The following ADAM11 variants were observed in gnomAD, a reference collection of about 807,000 sequenced individuals.
The protein encoded by ADAM11 is disintegrin and metalloproteinase domain-containing protein 11.
ADAM11 carries 49 observed loss-of-function variants against 119.1 expected under a neutral mutation model. That is an observed-to-expected ratio of 0.41 (90% CI 0.33 to 0.52). The LOEUF (loss-of-function observed/expected upper bound fraction) is 0.52. Ranked by LOEUF, ADAM11 falls within the 20% of genes least tolerant of loss-of-function variation. The pLI is 0.20. For missense variants in ADAM11, 777 were observed against 1,047.5 expected (o/e 0.74, Z 3.56); for synonymous variants, 364 against 408.0 (o/e 0.89, Z 1.30).
chr17:44,772,780 C>T lies in ADAM11; in HGVS notation c.679-77C>T, dbSNP rs1027652439. ...GGAGTCCAGACCCCCCCATCCCCAC[C>T]GAGTCTGTTCCTGGCTTGGCCATGA... On this transcript the variant is annotated intron_variant, in intron 8 of 26. Coordinates refer to ENST00000200557, the MANE Select transcript of ADAM11 (RefSeq NM_002390.6). The surrounding 1 kb of genome is among the most constrained non-coding windows in gnomAD (Gnocchi z 4.5). 9.5e-6 allele frequency: 13 copies of T among 1,367,256 alleles called. No homozygotes were observed. Among genetic ancestry groups the T allele is most frequent in the South Asian group, 2.5e-5 (2 of 80,280 alleles). 84.7% of individuals were successfully genotyped at this position (1,367,256 alleles called of 1,614,324 possible). A position where few individuals can be genotyped will look rare whatever the true frequency, so the allele number is the denominator to read the frequency against.
rs1333044588 is a variant in ADAM11 at position 44,779,928 on chromosome 17, C to T, written c.*174C>T. On this transcript the variant is annotated 3_prime_UTR_variant, in exon 27 of 27. Coordinates refer to ENST00000200557, the MANE Select transcript of ADAM11 (RefSeq NM_002390.6). ...GGCTGTGGCCCTGCCCTTGGCACCA[C>T]CAGGGTGGACCAGGCCTGGAGGGCA... 2.2e-6 allele frequency: 2 copies of T among 910,300 alleles called. No individual in the cohort carries two copies. Among genetic ancestry groups the T allele is most frequent in the Admixed American group, 2.0e-5 (1 of 49,752 alleles). 56.4% of individuals were successfully genotyped at this position (910,300 alleles called of 1,614,324 possible).
In ADAM11 at chr17:44,775,780, C is replaced by A. The variant is rs75588483; in HGVS notation, c.1485+104C>A. The A allele has an allele frequency of 8.2e-7, 1 of 1,222,190 alleles. No individual in the cohort carries two copies. Among genetic ancestry groups the A allele is most frequent in the African/African-American group, 1.5e-5 (1 of 66,012 alleles). The allele number at this position is 1,222,190 out of a possible 1,614,324, so 75.7% of individuals were successfully genotyped here. On this transcript the variant is annotated intron_variant, in intron 17 of 26. Transcript: ENST00000200557. This position sits in a 1 kb window ranked among gnomAD's most constrained non-coding sequence, Gnocchi z 7.5. ...GGGAGGGAAGCGGAGCCTTCGGGGA[C>A]GAAGGCCTCTGGGGCAGGGCTTGAT...
chr17:44,759,545 C>A, intron 1 of ADAM11, 177 bp from the exon 2 acceptor site: 1 of 1,252,974 alleles, frequency 8.0e-7, no homozygotes, highest in Non-Finnish European at 1.0e-6. Context: ...GGGAGTGAAG[C>A]TCCTGGCCCC....
At chr17:44,766,869 A>C (rs757591) in intron 2 of ADAM11, among the ~76,000 whole-genome samples, 88,217 of 151,870 alleles carry the variant, frequency 0.58, 26,549 homozygotes, top group East Asian at 0.76. Context: ...GGGCAGGGGC[A>C]GAAAGCAGGG....
chr17:44,780,731 C>A lies in ADAM11; in HGVS notation c.*977C>A. 6.5e-6 allele frequency: 1 copy of A among 154,560 alleles called. No individual in the cohort carries two copies. The highest frequency in any genetic ancestry group is 1.4e-5 in the Non-Finnish European group (1 of 69,568). The allele number at this position is 154,560 out of a possible 1,614,324, so 9.6% of individuals were successfully genotyped here. On this transcript the variant is annotated 3_prime_UTR_variant, in exon 27 of 27. Coordinates refer to ENST00000200557, the MANE Select transcript of ADAM11 (RefSeq NM_002390.6). ...CCAGGTAGGGAAGGCCAGAGGTGGC[C>A]CAGTGCCTGGAGGGTTAGGGTCTCT...
rs756597732 is a variant in ADAM11 at position 44,775,480 on chromosome 17, G to A, written c.1392+15G>A. 2 of 1,602,050 alleles carry A rather than the reference G, an allele frequency of 1.2e-6. No individual in the cohort carries two copies. The highest frequency in any genetic ancestry group is 2.7e-5 in the African/African-American group (2 of 74,824). On this transcript the variant is annotated intron_variant, in intron 16 of 26. Coordinates refer to ENST00000200557, the MANE Select transcript of ADAM11 (RefSeq NM_002390.6). The surrounding 1 kb of genome is among the most constrained non-coding windows in gnomAD (Gnocchi z 7.5). The stretch of plus-strand genomic sequence containing the variant: ...GCTCGGTGCAGGTGAGCGGTGGTGC[G>A]GGCGCCAGGTGGGGAACCGGGATGC...
intron 2 of ADAM11, among the ~76,000 whole-genome samples, chr17:44,761,291 T>C (rs2049386383): frequency 6.6e-6 from 1 of 151,800 alleles, no homozygotes; most frequent in Non-Finnish European, 1.5e-5. Flanking sequence ...GGGGACAGAG[T>C]TGAGGAAAAG....
Position 44,772,773 on chromosome 17 carries a change from T to A in ADAM11, c.679-84T>A. The A allele has an allele frequency of 8.0e-7, 1 of 1,252,742 alleles. No individual in the cohort carries two copies. The highest frequency in any genetic ancestry group is 1.2e-6 in the Non-Finnish European group (1 of 869,514). The allele number at this position is 1,252,742 out of a possible 1,614,324, so 77.6% of individuals were successfully genotyped here. On this transcript the variant is annotated intron_variant, in intron 8 of 26. Coordinates refer to ENST00000200557, the MANE Select transcript of ADAM11 (RefSeq NM_002390.6). This position sits in a 1 kb window ranked among gnomAD's most constrained non-coding sequence, Gnocchi z 4.5. The stretch of plus-strand genomic sequence containing the variant: ...CCTGGCTGGAGTCCAGACCCCCCCA[T>A]CCCCACCGAGTCTGTTCCTGGCTTG...
chr17:44,769,548 C>T (rs2049491164), intron 2 of ADAM11, among the ~76,000 whole-genome samples, 170 bp from the exon 3 acceptor site: 1 of 152,242 alleles, frequency 6.6e-6, no homozygotes, highest in South Asian at 2.1e-4. Flanking sequence ...GGAGCAGGGT[C>T]GTGGAGGAAG....
Position 44,759,272 on chromosome 17 carries a change from C to T in ADAM11, c.61+12C>T. On this transcript the variant is annotated intron_variant, in intron 1 of 26. Coordinates refer to ENST00000200557, the MANE Select transcript of ADAM11 (RefSeq NM_002390.6). ...GCTCCCCACGCCCGGTGAGTGACCCCCGCCCGGCCCCGGCGCCCCCTCCCT... is the reference window on the plus strand; with the variant it reads ...GCTCCCCACGCCCGGTGAGTGACCCTCGCCCGGCCCCGGCGCCCCCTCCCT... The T allele has an allele frequency of 7.2e-7, 1 of 1,385,066 alleles. No homozygotes were observed. Among genetic ancestry groups the T allele is most frequent in the Non-Finnish European group, 9.3e-7 (1 of 1,073,296 alleles). The allele number at this position is 1,385,066 out of a possible 1,614,324, so 85.8% of individuals were successfully genotyped here. A position where few individuals can be genotyped will look rare whatever the true frequency, so the allele number is the denominator to read the frequency against.
Position 44,776,111 on chromosome 17 carries a change from C to T in ADAM11, c.1486-16C>T. 6.2e-7 allele frequency: 1 copy of T among 1,613,206 alleles called. No homozygotes were observed. The highest frequency in any genetic ancestry group is 8.5e-7 in the Non-Finnish European group (1 of 1,179,716). The stretch of plus-strand genomic sequence containing the variant: ...CATCCATCCTGCCTGACTCGAGGAG[C>T]GCGTCTCTTCCCTAGTACGAACCAC... On this transcript the variant is annotated splice_polypyrimidine_tract_variant and intron_variant, in intron 17 of 26. Transcript: ENST00000200557. This position sits in a 1 kb window ranked among gnomAD's most constrained non-coding sequence, Gnocchi z 5.2.
rs769682017 is a variant in ADAM11, at chr17:44,775,505, C to A, written c.1392+40C>A. ...GGGCGCCAGGTGGGGAACCGGGATG[C>A]GGGGGTGGGCACGAGGGAGCGTCTG... is the stretch of plus-strand genomic sequence containing the variant. On this transcript the variant is annotated intron_variant, in intron 16 of 26. Transcript: ENST00000200557. This position sits in a 1 kb window ranked among gnomAD's most constrained non-coding sequence, Gnocchi z 7.5. The A allele has an allele frequency of 1.3e-6, 2 of 1,586,610 alleles. No homozygotes were observed. Among genetic ancestry groups the A allele is most frequent in the South Asian group, 2.2e-5 (2 of 89,150 alleles).
Position 44,778,050 on chromosome 17 carries a change from G to A in ADAM11, c.2169G>A (p.Glu723=), listed in dbSNP as rs751025303. The A allele has an allele frequency of 1.2e-6, 2 of 1,613,408 alleles. No individual in the cohort carries two copies. The highest frequency in any genetic ancestry group is 2.2e-5 in the South Asian group (2 of 90,936). The stretch of plus-strand genomic sequence containing the variant: ...TGCCCACGTCCCCACCCACGGGGGA[G>A]ACGGAGAGATATAAAGGTGAGGCTG... ...NPLPTSPPTG[E]TERYKGPSGT... Residue 723 remains glutamate (E), a synonymous_variant, in exon 24 of 27, where the codon GAG becomes GAA. Transcript: ENST00000200557.
chr17:44,776,252 C>A lies in ADAM11; in HGVS notation c.1566+45C>A, dbSNP rs1598893532. The A allele has an allele frequency of 6.2e-7, 1 of 1,603,960 alleles. No homozygotes were observed. Among genetic ancestry groups the A allele is most frequent in the Non-Finnish European group, 8.5e-7 (1 of 1,172,840 alleles). ...CTTGTGGAGCCCTGGGCGAGGCAACCCCTACCCTTGTCGATTTGGTTTTCC... is the reference window on the plus strand; with the variant it reads ...CTTGTGGAGCCCTGGGCGAGGCAACACCTACCCTTGTCGATTTGGTTTTCC... On this transcript the variant is annotated intron_variant, in intron 18 of 26. Coordinates refer to ENST00000200557, the MANE Select transcript of ADAM11 (RefSeq NM_002390.6). This position sits in a 1 kb window ranked among gnomAD's most constrained non-coding sequence, Gnocchi z 5.2.
At position 44,776,313 on chromosome 17, in the gene ADAM11, C is replaced by A; in HGVS notation, c.1566+106C>A. On this transcript the variant is annotated intron_variant, in intron 18 of 26. Transcript: ENST00000200557. The surrounding 1 kb of genome is among the most constrained non-coding windows in gnomAD (Gnocchi z 5.2). ...CTCAGCACTCCCCTCCTCTCCACAG[C>A]TGGCATCGACCTCCACTGATCAGAC... 4.9e-6 allele frequency: 6 copies of A among 1,234,702 alleles called. No individual in the cohort carries two copies. The highest frequency in any genetic ancestry group is 1.3e-5 in the South Asian group (1 of 77,942). The allele number at this position is 1,234,702 out of a possible 1,614,324, so 76.5% of individuals were successfully genotyped here.
At position 44,781,521 on chromosome 17, in the gene ADAM11, T is replaced by C. The variant is rs1320549783; in HGVS notation, c.*1767T>C. On this transcript the variant is annotated 3_prime_UTR_variant, in exon 27 of 27. Transcript: ENST00000200557. Reference sequence around the variant, plus strand: ...CACCCGTGCACACAGGTACAGTGCATCTGGGCACAGCTTTTGGATCCACAC... The same window carrying C: ...CACCCGTGCACACAGGTACAGTGCACCTGGGCACAGCTTTTGGATCCACAC... 6.6e-6 allele frequency: 1 copy of C among 152,220 alleles called. No individual in the cohort carries two copies. Among genetic ancestry groups the C allele is most frequent in the Non-Finnish European group, 1.5e-5 (1 of 68,096 alleles). The allele number at this position is 152,220 out of a possible 1,614,324, so 9.4% of individuals were successfully genotyped here. A position where few individuals can be genotyped will look rare whatever the true frequency, so the allele number is the denominator to read the frequency against.
In ADAM11 at chr17:44,775,878, A is replaced by C. The variant is rs4793150; in HGVS notation, c.1485+202A>C. Among the ~76,000 whole-genome samples, 91,710 of 149,318 alleles carry C rather than the reference A, an allele frequency of 0.61. 28,352 individuals carry two copies. The highest frequency in any genetic ancestry group is 0.78 in the East Asian group (3,893 of 5,022). ...GAAGGCGGGGCTACGAGGAGCGGGA[A>C]GGGAAGGCTGCCCAGAATCAAGGAG... On this transcript the variant is annotated intron_variant, in intron 17 of 26. Transcript: ENST00000200557. This position sits in a 1 kb window ranked among gnomAD's most constrained non-coding sequence, Gnocchi z 7.5.
chr17:44,775,487 A>T lies in ADAM11; in HGVS notation c.1392+22A>T, dbSNP rs778008153. On this transcript the variant is annotated intron_variant, in intron 16 of 26. Coordinates refer to ENST00000200557, the MANE Select transcript of ADAM11 (RefSeq NM_002390.6). The surrounding 1 kb of genome is among the most constrained non-coding windows in gnomAD (Gnocchi z 7.5). ...GCAGGTGAGCGGTGGTGCGGGCGCC[A>T]GGTGGGGAACCGGGATGCGGGGGTG... 20 of 1,599,750 alleles carry T rather than the reference A, an allele frequency of 1.3e-5. No homozygotes were observed. The South Asian group carries it at 2.2e-4, about 18-fold the overall frequency.
chr17:44,764,514 G>A (rs962322877), intron 2 of ADAM11, among the ~76,000 whole-genome samples: 2 of 152,186 alleles, frequency 1.3e-5, no homozygotes, highest in African/African-American at 2.4e-5. Flanking sequence ...CCAGGGCTAG[G>A]ATTTTGCTGG....
Sources: allele counts gnomAD v4.1 joint callset (sites outside exome capture counted in the v4.1 genomes callset), GRCh38; gene constraint gnomAD v4.1.1; non-coding constraint Gnocchi (gnomAD v3.1); transcripts MANE v1.5; gene names NCBI Gene and HGNC (gene_info 2026-07-23, HGNC 2026-07-21).